The following SLC37A2 variants were observed in gnomAD, a reference collection of about 807,000 sequenced individuals.
The protein encoded by SLC37A2 is solute carrier family 37 member 2, also known as glucose-6-phosphate exchanger SLC37A2.
A neutral mutation model predicts 70.7 loss-of-function variants in SLC37A2; 59 were observed. The observed-to-expected ratio is 0.83, with a 90% CI of 0.68 to 1.04. The LOEUF is 1.04. Ranked by LOEUF, SLC37A2 falls within the 50% of genes least tolerant of loss-of-function variation. The pLI is 0.00. For missense variants in SLC37A2, 580 were observed against 658.1 expected, an observed-to-expected ratio of 0.88 and a Z score of 1.30; for synonymous variants, 257 against 262.1, an observed-to-expected ratio of 0.98 and a Z score of 0.19.
At position 125,071,840 on chromosome 11, in the gene SLC37A2, G is replaced by A. The variant is rs1293141890; in HGVS notation, c.60-4917G>A. Among the ~76,000 whole-genome samples the A allele has an allele frequency of 4.3e-5, 6 of 140,552 alleles. No homozygotes were observed. In the East Asian group the frequency reaches 1.2e-3, roughly 28 times the overall value. The allele number at this position is 140,552 out of a possible 152,430, so 92.2% of individuals were successfully genotyped here. A position where few individuals can be genotyped will look rare whatever the true frequency, so the allele number is the denominator to read the frequency against. On this transcript the variant is annotated intron_variant, in intron 1 of 17. Coordinates refer to ENST00000403796, the MANE Select transcript of SLC37A2 (RefSeq NM_001145290.2). ...CAGGGTATCTCCCAGTGCTGGTGGA[G>A]GGCTTGTGGGGGAGGGGGGGTGGGC...
At chr11:125,081,712 C>T in intron 8 of SLC37A2, 42 bp from the exon 9 acceptor site, 1 of 1,528,246 alleles carries the variant, frequency 6.5e-7, no homozygotes, top group South Asian at 1.3e-5. Context: ...TGGGAGGCAG[C>T]ACATGGACGC....
rs774767367 is a variant in SLC37A2, at chr11:125,081,780, C to T, written c.759C>T (p.Asn253=). 89 of 1,609,848 alleles carry T rather than the reference C, an allele frequency of 5.5e-5. No homozygotes were observed. The highest frequency in any genetic ancestry group is 6.9e-5 in the Non-Finnish European group (81 of 1,178,034). Reference sequence around the variant, plus strand: ...GTGAGCCAGCTGAGAACCAGGACAACCCTGAGGACCCTGGGAACAGTCCCT... The same window carrying T: ...GTGAGCCAGCTGAGAACCAGGACAATCCTGAGGACCCTGGGAACAGTCCCT... ...HHGEPAENQD[N]PEDPGNSPCS... The change falls in exon 9 of 18, where the codon AAC becomes AAT. Residue 253 remains asparagine (N), a synonymous_variant. Transcript: ENST00000403796.
At position 125,083,859 on chromosome 11, in the gene SLC37A2, G is replaced by C. The variant is rs758828423; in HGVS notation, c.1021G>C (p.Asp341His). 4 of 1,614,136 alleles carry C rather than the reference G, an allele frequency of 2.5e-6. No individual in the cohort carries two copies. The highest frequency in any genetic ancestry group is 3.4e-6 in the Non-Finnish European group (4 of 1,180,020). ...KEAGDLSTLF[D>H]VGGIIGGIVA... ...GGCTGGGGACCTGTCTACACTCTTC[G>C]ATGTTGGTGGCATCATAGGTGAGGC... Residue 341 changes from aspartate (D) to histidine (H), a missense_variant, in exon 11 of 18, where the codon GAT becomes CAT. Coordinates refer to ENST00000403796, the MANE Select transcript of SLC37A2 (RefSeq NM_001145290.2). This position sits in a 1 kb window ranked among gnomAD's most constrained non-coding sequence, Gnocchi z 4.6.
At position 125,079,761 on chromosome 11, in the gene SLC37A2, G is replaced by A. The variant is rs1341277627; in HGVS notation, c.527+1G>A. The stretch of plus-strand genomic sequence containing the variant: ...TTGGCAACTGGTTCGGGAAGGGGAA[G>A]TGAGTGTAACAAGGGAGGAGGAGTG... On this transcript the variant is annotated splice_donor_variant, in intron 6 of 17. Transcript: ENST00000403796. LOFTEE classifies it high-confidence loss of function. 1 of 1,608,130 alleles carries A rather than the reference G, an allele frequency of 6.2e-7. No individual in the cohort carries two copies. Among genetic ancestry groups the A allele is most frequent in the Admixed American group, 1.7e-5 (1 of 59,294 alleles).
intron 1 of SLC37A2, among the ~76,000 whole-genome samples, chr11:125,069,368 C>T (rs1308818835): frequency 1.3e-5 from 2 of 152,230 alleles, no homozygotes; most frequent in African/African-American, 2.4e-5. Flanking sequence ...GAAAAGATTA[C>T]ATGGCCATTT....
At chr11:125,064,484 A>G (rs1948963622) in intron 1 of SLC37A2, among the ~76,000 whole-genome samples, 2 of 152,188 alleles carry the variant, frequency 1.3e-5, no homozygotes, top group South Asian at 2.1e-4. Context: ...AAAGTGGCCA[A>G]TTTGTCCTGG....
chr11:125,082,044 G>C, intron 9 of SLC37A2, 138 bp downstream of exon 9: 1 of 1,094,124 alleles, frequency 9.1e-7, no homozygotes, highest in Non-Finnish European at 1.3e-6. Context: ...AGCCTGCTTG[G>C]GGAGGGCAGT....
chr11:125,077,170 G>A, intron 2 of SLC37A2, 60 bp from the exon 3 acceptor site: 5 of 1,309,082 alleles, frequency 3.8e-6, no homozygotes, highest in Admixed American at 2.2e-5. Context: ...GGTTGGGGCA[G>A]GTGGTTGCTT....
chr11:125,079,680 G>T lies in SLC37A2; in HGVS notation c.451-4G>T. ...TTCCCACCCTCCCTTCTCTCTCCCT[G>T]CAGGTCTGTAATGGACTCGTCCAGA... is the stretch of plus-strand genomic sequence containing the variant. On this transcript the variant is annotated splice_region_variant and splice_polypyrimidine_tract_variant and intron_variant, in intron 5 of 17. Transcript: ENST00000403796. 6.3e-7 allele frequency: 1 copy of T among 1,595,808 alleles called. No homozygotes were observed. The highest frequency in any genetic ancestry group is 8.5e-7 in the Non-Finnish European group (1 of 1,170,326).
intron 8 of SLC37A2, 62 bp downstream of exon 8, chr11:125,081,520 GGA>G: frequency 1.9e-6 from 3 of 1,551,954 alleles, no homozygotes; most frequent in Non-Finnish European, 2.6e-6. Context: ...GGCTGGACCC[GGA>G]GAGGCCTGGG....
chr11:125,080,906 A>G lies in SLC37A2; in HGVS notation c.694+126A>G. The G allele has an allele frequency of 2.9e-6, 2 of 683,802 alleles. No individual in the cohort carries two copies. Among genetic ancestry groups the G allele is most frequent in the Admixed American group, 4.0e-5 (1 of 25,064 alleles). 42.4% of individuals were successfully genotyped at this position (683,802 alleles called of 1,614,324 possible). A position where few individuals can be genotyped will look rare whatever the true frequency, so the allele number is the denominator to read the frequency against. ...AGGACCAGCCGTGTGACTTTGGACA[A>G]TCTTTCAGAGCCTTTATTTTCTCAT... On this transcript the variant is annotated intron_variant, in intron 7 of 17. Transcript: ENST00000403796. The surrounding 1 kb of genome is among the most constrained non-coding windows in gnomAD (Gnocchi z 4.3).
Position 125,063,628 on chromosome 11 carries a change from TCC to T in SLC37A2, c.59+206_59+207del, listed in dbSNP as rs565950118. Among the ~76,000 whole-genome samples the T allele has an allele frequency of 2.6e-5, 4 of 152,072 alleles. No homozygotes were observed. Among genetic ancestry groups the T allele is most frequent in the Non-Finnish European group, 4.4e-5 (3 of 67,990 alleles). ...CCTCCCTGCCCAACTCCGCCCGCGC[TCC>T]CCCAGACCCCGCGACGCTGGCTCGG... On this transcript the variant is annotated intron_variant, in intron 1 of 17. Transcript: ENST00000403796. This position sits in a 1 kb window ranked among gnomAD's most constrained non-coding sequence, Gnocchi z 5.4.
In SLC37A2 at chr11:125,081,894, G is replaced by A. The variant is rs747361423; in HGVS notation, c.873G>A (p.Ala291=). ...CTGCTGCCATCAGCTTCTTTGGGGC[G>A]CTCCGGATCCCAGTAAGAAGTTTGT... The part of the protein sequence containing the change: ...EEPAAISFFG[A]LRIPGVVEFS... The change falls in exon 9 of 18, where the codon GCG becomes GCA. Residue 291 remains alanine, a synonymous_variant. Coordinates refer to ENST00000403796, the MANE Select transcript of SLC37A2 (RefSeq NM_001145290.2). The A allele has an allele frequency of 1.5e-5, 24 of 1,602,950 alleles. No individual in the cohort carries two copies. The highest frequency in any genetic ancestry group is 1.3e-4 in the African/African-American group (10 of 74,100).
In SLC37A2 at chr11:125,067,014, C is replaced by G. The variant is rs184864219; in HGVS notation, c.59+3588C>G. On this transcript the variant is annotated intron_variant, in intron 1 of 17. Transcript: ENST00000403796. ...TATTTTTTCGAGACAAAGTCTTGCT[C>G]TATCACCCAGATTGTAGTGCAGTGG... Among the ~76,000 whole-genome samples, 371 of 147,936 alleles carry G rather than the reference C, an allele frequency of 2.5e-3. 4 individuals carry two copies. Among genetic ancestry groups the G allele is most frequent in the African/African-American group, 9.2e-3 (344 of 37,482 alleles).
chr11:125,084,784 G>A (rs1030641442), intron 12 of SLC37A2, 41 bp from the exon 13 acceptor site: 14 of 1,606,788 alleles, frequency 8.7e-6, no homozygotes, highest in Non-Finnish European at 1.1e-5. Flanking sequence ...GGCCAGCAAA[G>A]GGATTCCGGG....
intron 2 of SLC37A2, 79 bp from the exon 3 acceptor site, chr11:125,077,151 C>A: frequency 8.9e-7 from 1 of 1,122,400 alleles, no homozygotes; most frequent in Non-Finnish European, 1.3e-6. Context: ...GAGGCAGTGT[C>A]TCCAGTATGG....
At position 125,063,415 on chromosome 11, in the gene SLC37A2, C is replaced by T; in HGVS notation, c.48C>T (p.Ser16=). ...APGVWFFRAF[S]RDSWFRGLIL... ...GAGTCTGGTTCTTCCGGGCCTTCTC[C>T]AGGGACAGCTGGTGAGCGGGGCAGG... Residue 16 remains serine (S), a synonymous_variant, in exon 1 of 18, where the codon TCC becomes TCT. Transcript: ENST00000403796. This position sits in a 1 kb window ranked among gnomAD's most constrained non-coding sequence, Gnocchi z 5.4. The T allele has an allele frequency of 6.2e-7, 1 of 1,611,712 alleles. No individual in the cohort carries two copies. Among genetic ancestry groups the T allele is most frequent in the Non-Finnish European group, 8.5e-7 (1 of 1,179,160 alleles).
Position 125,084,301 on chromosome 11 carries a change from C to T in SLC37A2, c.1107C>T (p.Leu369=), listed in dbSNP as rs1387090388. The T allele has an allele frequency of 4.3e-6, 7 of 1,614,142 alleles. No homozygotes were observed. Among genetic ancestry groups the T allele is most frequent in the East Asian group, 2.2e-5 (1 of 44,902 alleles). Residue 369 remains leucine (L), a synonymous_variant, in exon 12 of 18, where the codon CTC becomes CTT. Transcript: ENST00000403796. ...NGRATTCCVM[L]ILAAPMMFLY... is the part of the protein sequence containing the mutation. ...GGGCCACCACTTGCTGTGTCATGCTCATCTTGGCTGCCCCCATGGTGCGTA... is the reference window on the plus strand; with the variant it reads ...GGGCCACCACTTGCTGTGTCATGCTTATCTTGGCTGCCCCCATGGTGCGTA...
At chr11:125,077,599 T>C in intron 4 of SLC37A2, 71 bp downstream of exon 4, 1 of 1,188,854 alleles carries the variant, frequency 8.4e-7, no homozygotes, top group Non-Finnish European at 1.2e-6. Context: ...TTAAGGAACC[T>C]GGGGGCAGCT....
Sources: allele counts gnomAD v4.1 joint callset (sites outside exome capture counted in the v4.1 genomes callset), GRCh38; gene constraint gnomAD v4.1.1; non-coding constraint Gnocchi (gnomAD v3.1); transcripts MANE v1.5; gene names NCBI Gene and HGNC (gene_info 2026-07-23, HGNC 2026-07-21).